Variants in ZNF76 observed in about 807,000 individuals in gnomAD.
The protein encoded by ZNF76 is zinc finger protein 76.
A neutral mutation model predicts 66.9 loss-of-function variants in ZNF76; 66 were observed. The ratio of observed to expected loss-of-function variants is 0.99; its 90% confidence interval spans 0.81 to 1.21. The LOEUF is 1.21. Among genes scored for constraint, ZNF76 ranks in the 50% most tolerant of loss-of-function variants. The probability of loss-of-function intolerance (pLI) is 0.00; values close to 1 mark genes in which losing one functional copy is unlikely to be tolerated. For synonymous variants in ZNF76, 275 were observed against 296.1 expected (o/e 0.93, Z 0.73); for missense variants, 729 against 760.3 (o/e 0.96, Z 0.48).
At chr6:35,263,862 C>A (rs1448090087) in intron 1 of ZNF76, among the ~76,000 whole-genome samples, 3 of 152,100 alleles carry the variant, frequency 2.0e-5, no homozygotes, top group African/African-American at 7.2e-5. Flanking sequence ...GTGATTCTCA[C>A]ACCTCAGCCT....
At chr6:35,281,018 C>A in intron 1 of ZNF76, 38 bp from the exon 2 acceptor site, 1 of 844,830 alleles carries the variant, frequency 1.2e-6, no homozygotes, top group Non-Finnish European at 2.0e-6. Flanking sequence ...TAGGAGAAAG[C>A]TGGTTAACTC....
At chr6:35,265,950 C>G (rs995530419) in intron 1 of ZNF76, among the ~76,000 whole-genome samples, 3 of 152,016 alleles carry the variant, frequency 2.0e-5, no homozygotes, top group African/African-American at 7.2e-5. Flanking sequence ...TGAGAATAAG[C>G]TATAACGGGG....
intron 1 of ZNF76, among the ~76,000 whole-genome samples, chr6:35,278,971 T>G (rs1442500953): frequency 6.6e-6 from 1 of 152,152 alleles, no homozygotes; most frequent in African/African-American, 2.4e-5. Flanking sequence ...TGATGAGTAC[T>G]GAAGTAGGTT....
intron 1 of ZNF76, among the ~76,000 whole-genome samples, chr6:35,278,739 T>C (rs2150357099): frequency 6.6e-6 from 1 of 152,332 alleles, no homozygotes; most frequent in Non-Finnish European, 1.5e-5. Context: ...TTCACAAGTG[T>C]TGGGGTCCAC....
chr6:35,281,257 C>T (rs1191539558), intron 2 of ZNF76, 33 bp downstream of exon 2: 1 of 1,600,826 alleles, frequency 6.2e-7, no homozygotes, highest in African/African-American at 1.3e-5. Context: ...GGATCCTGCC[C>T]TGTCCCTCAG....
In ZNF76 at chr6:35,291,316, G is replaced by A; in HGVS notation, c.664G>A (p.Glu222Lys). The A allele has an allele frequency of 6.2e-7, 1 of 1,613,678 alleles. No individual in the cohort carries two copies. Among genetic ancestry groups the A allele is most frequent in the East Asian group, 2.2e-5 (1 of 44,850 alleles). The part of the protein sequence containing the change: ...LKSHVRTHTG[E>K]KPYKCPEELC... Reference sequence around the variant, plus strand: ...GAGCCACGTTCGTACCCACACTGGTGAGAAACCATACAAGTGCCCAGAGGA... The same window carrying A: ...GAGCCACGTTCGTACCCACACTGGTAAGAAACCATACAAGTGCCCAGAGGA... The change falls in exon 8 of 14, where the codon GAG (glutamate) becomes AAG (lysine). Residue 222 changes from glutamate to lysine, a missense_variant. Transcript: ENST00000373953.
rs372661778 is a variant in ZNF76 at position 35,292,905 on chromosome 6, C to T, written c.1190C>T (p.Pro397Leu). The T allele has an allele frequency of 1.5e-5, 25 of 1,614,024 alleles. No individual in the cohort carries two copies. Among genetic ancestry groups the T allele is most frequent in the African/African-American group, 1.3e-4 (10 of 74,900 alleles). ...GCCGCCTCTGCAGCCGAGGAGAGTC[C>T]GCCACCCAAACGACCCCGGATAGCT... ...LEAASAAEES[P>L]PPKRPRIAYL... is the part of the protein sequence containing the mutation. Residue 397 changes from proline (P) to leucine (L), a missense_variant, in exon 11 of 14, where the codon CCG becomes CTG. Coordinates refer to ENST00000373953, the MANE Select transcript of ZNF76 (RefSeq NM_003427.5). The surrounding 1 kb of genome is among the most constrained non-coding windows in gnomAD (Gnocchi z 4.7).
intron 1 of ZNF76, among the ~76,000 whole-genome samples, chr6:35,277,169 C>T (rs1018268597): frequency 1.3e-5 from 2 of 151,974 alleles, no homozygotes; most frequent in African/African-American, 4.8e-5. Flanking sequence ...AGCGGGTTAC[C>T]CAAAGAATCT....
chr6:35,286,037 A>G (rs1434917538), intron 2 of ZNF76, 91 bp from the exon 3 acceptor site: 6 of 1,186,656 alleles, frequency 5.1e-6, no homozygotes, highest in Non-Finnish European at 7.5e-6. Context: ...TCGTGCCTAG[A>G]GACTCAAATA....
intron 2 of ZNF76, among the ~76,000 whole-genome samples, chr6:35,282,663 C>A (rs2267662): frequency 0.78 from 119,370 of 152,150 alleles, 47,513 homozygotes; most frequent in Non-Finnish European, 0.85. Flanking sequence ...CACTGTCCTC[C>A]TGAAGCACTG....
At chr6:35,282,624 A>C (rs1047400753) in intron 2 of ZNF76, among the ~76,000 whole-genome samples, 13 of 152,114 alleles carry the variant, frequency 8.5e-5, no homozygotes, top group African/African-American at 3.1e-4. Context: ...CCTACTGTTC[A>C]TTTGGCGTTT....
At chr6:35,277,885 A>G (rs1432011943) in intron 1 of ZNF76, among the ~76,000 whole-genome samples, 1 of 152,178 alleles carries the variant, frequency 6.6e-6, no homozygotes, top group Non-Finnish European at 1.5e-5. Context: ...TTTGAGACGG[A>G]GTCTCACTCT....
chr6:35,266,292 A>G (rs1156404273), intron 1 of ZNF76, among the ~76,000 whole-genome samples: 2 of 152,054 alleles, frequency 1.3e-5, no homozygotes, highest in Non-Finnish European at 2.9e-5. Flanking sequence ...AGCTGGGACT[A>G]CAGGTGCATG....
At chr6:35,262,013 G>C (rs1368498246) in intron 1 of ZNF76, among the ~76,000 whole-genome samples, 7 of 152,184 alleles carry the variant, frequency 4.6e-5, no homozygotes, top group African/African-American at 1.7e-4. Context: ...TTTAATGTAA[G>C]TTTTATGTGA....
At position 35,294,459 on chromosome 6, in the gene ZNF76, A is replaced by G. The variant is rs750176541; in HGVS notation, c.1498A>G (p.Thr500Ala). Reference sequence around the variant, plus strand: ...AAGACCTCCTTTTGTCTTTCAGGTCACAATCATTACCTCTGGGGCTGTGGT... The same window carrying G: ...AAGACCTCCTTTTGTCTTTCAGGTCGCAATCATTACCTCTGGGGCTGTGGT... ...SADGTQTQPV[T>A]IITSGAVVAE... The change falls in exon 13 of 14, where the codon ACA becomes GCA. Residue 500 changes from threonine (T) to alanine (A), a missense_variant. By Grantham distance (58) the Thr-to-Ala change is moderately conservative. Coordinates refer to ENST00000373953, the MANE Select transcript of ZNF76 (RefSeq NM_003427.5). The G allele has an allele frequency of 3.7e-6, 6 of 1,612,110 alleles. No homozygotes were observed. The highest frequency in any genetic ancestry group is 1.3e-5 in the African/African-American group (1 of 74,890).
At chr6:35,268,989 G>T (rs1428601883) in intron 1 of ZNF76, among the ~76,000 whole-genome samples, 1 of 151,922 alleles carries the variant, frequency 6.6e-6, no homozygotes, top group Non-Finnish European at 1.5e-5. Flanking sequence ...GCTGGCAAAA[G>T]TATGAGGCCA....
At chr6:35,281,998 C>G (rs1444735035) in intron 2 of ZNF76, among the ~76,000 whole-genome samples, 1 of 150,948 alleles carries the variant, frequency 6.6e-6, no homozygotes, top group Non-Finnish European at 1.5e-5. Context: ...AAGCAGAGAT[C>G]TCATGCCCTA....
In ZNF76 at chr6:35,281,197, A is replaced by G. The variant is rs1414008497; in HGVS notation, c.46A>G (p.Thr16Ala). 6.2e-7 allele frequency: 1 copy of G among 1,613,924 alleles called. No individual in the cohort carries two copies. The highest frequency in any genetic ancestry group is 8.5e-7 in the Non-Finnish European group (1 of 1,180,032). ...LHTVTLSDGT[T>A]AYVQQAVKGE... ...CACGGTGACCCTTAGTGATGGGACA[A>G]CAGCCTACGTCCAGCAAGCTGTCAA... Residue 16 changes from threonine (T) to alanine (A), a missense_variant, in exon 2 of 14, where the codon ACA (threonine) becomes GCA (alanine). Physicochemically the swap from Thr to Ala is moderately conservative, Grantham distance 58. Coordinates refer to ENST00000373953, the MANE Select transcript of ZNF76 (RefSeq NM_003427.5).
At chr6:35,286,528 C>T (rs2150367342) in intron 4 of ZNF76, 129 bp downstream of exon 4, 1 of 851,156 alleles carries the variant, frequency 1.2e-6, no homozygotes, top group Non-Finnish European at 1.9e-6. Flanking sequence ...CCATGGTACA[C>T]ACATGCTCAC....
Sources: allele counts gnomAD v4.1 joint callset (sites outside exome capture counted in the v4.1 genomes callset), GRCh38; gene constraint gnomAD v4.1.1; non-coding constraint Gnocchi (gnomAD v3.1); transcripts MANE v1.5; gene names NCBI Gene and HGNC (gene_info 2026-07-23, HGNC 2026-07-21).